The following STX2 variants were observed in gnomAD, a reference collection of about 807,000 sequenced individuals.
STX2 encodes syntaxin-2.
STX2 carries 27 observed loss-of-function variants against 40.6 expected under a neutral mutation model. The observed-to-expected ratio is 0.66, with a 90% confidence interval of 0.49 to 0.92. The LOEUF (loss-of-function observed/expected upper bound fraction) is 0.92. Ranked by LOEUF, STX2 falls within the 40% of genes least tolerant of loss-of-function variation. The pLI is 0.00. For synonymous variants in STX2, 123 were observed against 119.1 expected, an observed-to-expected ratio of 1.03 and a Z score of -0.22; for missense variants, 328 against 366.1, an observed-to-expected ratio of 0.90 and a Z score of 0.85.
At chr12:130,806,550 C>T (rs554334909) in intron 6 of STX2, among the ~76,000 whole-genome samples, 2 of 152,266 alleles carry the variant, frequency 1.3e-5, no homozygotes, top group East Asian at 1.9e-4. Flanking sequence ...CCGAAGAAGG[C>T]GCCATCTCCA....
chr12:130,807,030 G>C lies in STX2; in HGVS notation c.415C>G (p.Leu139Val). 3 of 1,614,208 alleles carry C rather than the reference G, an allele frequency of 1.9e-6. No homozygotes were observed. Among genetic ancestry groups the C allele is most frequent in the South Asian group, 2.2e-5 (2 of 91,080 alleles). The change falls in exon 6 of 11, where the codon CTG (leucine) becomes GTG (valine). Residue 139 changes from leucine (L) to valine (V), a missense_variant. Coordinates refer to ENST00000392373, the MANE Select transcript of STX2 (RefSeq NM_194356.4). ...AMAEYNEAQT[L>V]FRERSKGRIQ... ...CGGCCTTTGCTCCGCTCCCGAAACA[G>C]AGTCTGTGCCTCATTGTACTCCGCC...
intron 9 of STX2, among the ~76,000 whole-genome samples, chr12:130,798,102 C>T (rs974734018): frequency 1.3e-5 from 2 of 152,044 alleles, no homozygotes; most frequent in African/African-American, 4.8e-5. Context: ...ACAAAATTAG[C>T]CTGGCATGGT....
intron 2 of STX2, among the ~76,000 whole-genome samples, chr12:130,824,455 A>T (rs187084784): frequency 6.6e-6 from 1 of 152,202 alleles, no homozygotes; most frequent in East Asian, 1.9e-4. Context: ...AAAAAACATT[A>T]TTTTAACTCT....
At chr12:130,798,039 C>T (rs941353363) in intron 9 of STX2, among the ~76,000 whole-genome samples, 7 of 152,162 alleles carry the variant, frequency 4.6e-5, no homozygotes, top group Middle Eastern at 6.3e-3. Context: ...CTTGAGGTCA[C>T]GAGTTCAAGA....
At chr12:130,805,452 G>A (rs1951394719) in intron 6 of STX2, among the ~76,000 whole-genome samples, 1 of 152,198 alleles carries the variant, frequency 6.6e-6, no homozygotes, top group African/African-American at 2.4e-5. Flanking sequence ...GAGCTCAGGG[G>A]AGACCAAGGC....
At chr12:130,818,185 A>ATATATATATATATATAT (rs1555222352) in intron 3 of STX2, among the ~76,000 whole-genome samples, 62 of 70,530 alleles carry the variant, frequency 8.8e-4, no homozygotes, top group Non-Finnish European at 8.7e-4. Flanking sequence ...AAAAAAAAAA[A>ATATATATATATATATAT]ATATATATAT....
At chr12:130,800,564 T>A (rs1195360523) in intron 8 of STX2, among the ~76,000 whole-genome samples, 1 of 152,242 alleles carries the variant, frequency 6.6e-6, no homozygotes, top group African/African-American at 2.4e-5. Context: ...CTTGCATCTG[T>A]GTCATAGATT....
At chr12:130,797,881 C>T (rs1433233778) in intron 9 of STX2, among the ~76,000 whole-genome samples, 1 of 152,212 alleles carries the variant, frequency 6.6e-6, no homozygotes, top group Non-Finnish European at 1.5e-5. Context: ...AAATAATTCT[C>T]TTCTTTCCTC....
At chr12:130,820,718 T>G (rs1952079755) in intron 3 of STX2, among the ~76,000 whole-genome samples, 1 of 151,976 alleles carries the variant, frequency 6.6e-6, no homozygotes, top group African/African-American at 2.4e-5. Flanking sequence ...CGACTTGCAT[T>G]AACATCAAAA....
At chr12:130,824,454 T>TG (rs1171384415) in intron 2 of STX2, among the ~76,000 whole-genome samples, 1 of 152,168 alleles carries the variant, frequency 6.6e-6, no homozygotes, top group East Asian at 1.9e-4. Flanking sequence ...AAAAAAACAT[T>TG]ATTTTAACTC....
At chr12:130,812,204 A>C (rs930542537) in intron 4 of STX2, 2 of 231,680 alleles carry the variant, frequency 8.6e-6, no homozygotes, top group African/African-American at 4.7e-5. Context: ...ACCACTGGGG[A>C]AATTCTGCCT....
rs773053696 is a variant in STX2 at position 130,806,043 on chromosome 12, C to T, written c.463+939G>A. On this transcript the variant is annotated intron_variant, in intron 6 of 10. Coordinates refer to ENST00000392373, the MANE Select transcript of STX2 (RefSeq NM_194356.4). ...ACAGAAACCAGTGTCTCCGATGAAA[C>T]ATACACCAGAGGAGGTTAAAGGCAG... is the stretch of plus-strand genomic sequence containing the variant. 5.8e-4 allele frequency among the ~76,000 whole-genome samples: 88 copies of T among 152,180 alleles called. 1 individual carries two copies. The highest frequency in any genetic ancestry group is 4.0e-4 in the Non-Finnish European group (27 of 68,020).
intron 8 of STX2, among the ~76,000 whole-genome samples, chr12:130,800,854 T>A (rs554867904): frequency 1.1e-4 from 16 of 152,322 alleles, no homozygotes; most frequent in African/African-American, 2.9e-4. Context: ...AGCACAAACA[T>A]CTGCATATTT....
At chr12:130,818,185 A>ATATATATATATATATATATATAT (rs1555222352) in intron 3 of STX2, among the ~76,000 whole-genome samples, 7 of 70,528 alleles carry the variant, frequency 9.9e-5, no homozygotes, top group Non-Finnish European at 1.4e-4. Context: ...AAAAAAAAAA[A>ATATATATATATATATATATATAT]ATATATATAT....
chr12:130,826,825 ACCCCGTCT>A (rs1884455931), intron 2 of STX2, among the ~76,000 whole-genome samples: 1 of 145,892 alleles, frequency 6.9e-6, no homozygotes, highest in South Asian at 2.4e-4. Context: ...ACATGGTGAA[ACCCCGTCT>A]CTACTAAAAG....
At chr12:130,805,280 A>C (rs1235757045) in intron 6 of STX2, among the ~76,000 whole-genome samples, 1 of 152,012 alleles carries the variant, frequency 6.6e-6, no homozygotes, top group African/African-American at 2.4e-5. Context: ...AAAATCTACA[A>C]AACGATTTCC....
chr12:130,801,839 T>C (rs542302640), intron 6 of STX2, among the ~76,000 whole-genome samples: 3 of 152,332 alleles, frequency 2.0e-5, no homozygotes, highest in South Asian at 2.1e-4. Flanking sequence ...GAATGTAGCA[T>C]GTATTAAATG....
chr12:130,837,545 A>G (rs937185272), intron 1 of STX2, among the ~76,000 whole-genome samples: 3 of 152,104 alleles, frequency 2.0e-5, no homozygotes, highest in Admixed American at 2.0e-4. Context: ...CGGCCTCCCA[A>G]AGTGCTGGGA....
chr12:130,798,876 A>C (rs537008130), intron 8 of STX2, among the ~76,000 whole-genome samples: 2 of 152,352 alleles, frequency 1.3e-5, no homozygotes, highest in East Asian at 3.9e-4. Context: ...CCATGTTGAT[A>C]ATTAAAGGCA....
Sources: gnomAD v4.1 joint callset for allele counts (sites outside exome capture counted in the v4.1 genomes callset) on GRCh38, gnomAD v4.1.1 for gene constraint, MANE v1.5 for transcripts, NCBI Gene and HGNC (gene_info 2026-07-23, HGNC 2026-07-21) for gene names.